CDC37L1: variants seen among roughly 807,000 people sequenced by gnomAD.
CDC37L1 encodes the protein cell division cycle 37 like 1, HSP90 cochaperone, also known as hsp90 co-chaperone Cdc37-like 1.
A neutral mutation model predicts 45.9 loss-of-function variants in CDC37L1; 32 were observed. The ratio of observed to expected loss-of-function variants is 0.70; its 90% CI spans 0.53 to 0.94. CDC37L1 has a LOEUF of 0.94. CDC37L1 is among the 40% of genes least tolerant of loss of function. The pLI is 0.00. For missense variants in CDC37L1, 434 were observed against 405.7 expected (o/e 1.07, Z -0.60); for synonymous variants, 150 against 133.0 (o/e 1.13, Z -0.88).
intron 3 of CDC37L1, among the ~76,000 whole-genome samples, chr9:4,693,968 C>T (rs1329032058): frequency 6.6e-6 from 1 of 152,326 alleles, no homozygotes; most frequent in Admixed American, 6.5e-5. Context: ...AGTCTGTCTT[C>T]TCAGCCGCTG....
rs552594935 is a variant in CDC37L1, at chr9:4,707,743, C to A, written c.*1631C>A. 7.1e-6 allele frequency: 1 copy of A among 140,862 alleles called. No individual in the cohort carries two copies. Among genetic ancestry groups the A allele is most frequent in the African/African-American group, 2.6e-5 (1 of 37,824 alleles). The allele number at this position is 140,862 out of a possible 1,614,324, so 8.7% of individuals were successfully genotyped here. A position where few individuals can be genotyped will look rare whatever the true frequency, so the allele number is the denominator to read the frequency against. ...TCGTAGACATTTTTTTCTTTTTGTT[C>A]TGTTCTGAAGCAAGCTCTTATTTTT... On this transcript the variant is annotated 3_prime_UTR_variant, in exon 7 of 7. Transcript: ENST00000381854.
chr9:4,696,520 T>C (rs1841349722), intron 3 of CDC37L1, among the ~76,000 whole-genome samples: 1 of 151,826 alleles, frequency 6.6e-6, no homozygotes, highest in East Asian at 1.9e-4. Context: ...AAGAAAAAAA[T>C]CTATTCAGTT....
Position 4,679,583 on chromosome 9 carries a change from C to T in CDC37L1, c.-185C>T, listed in dbSNP as rs536905577. The T allele has an allele frequency of 5.7e-6, 3 of 524,442 alleles. No individual in the cohort carries two copies. Among genetic ancestry groups the T allele is most frequent in the South Asian group, 3.0e-5 (1 of 33,012 alleles). The allele number at this position is 524,442 out of a possible 1,614,324, so 32.5% of individuals were successfully genotyped here. On this transcript the variant is annotated 5_prime_UTR_variant, in exon 1 of 7. Transcript: ENST00000381854. ...GCCGACTATTTCTTCCGCCGTCCGC[C>T]GGTGGCGAGGCCCAGGCTGTCGCCG...
At chr9:4,686,064 C>T (rs56235123) in intron 2 of CDC37L1, among the ~76,000 whole-genome samples, 3,068 of 152,200 alleles carry the variant, frequency 0.02, 108 homozygotes, top group African/African-American at 0.071. Flanking sequence ...CCAGCTACTT[C>T]GGAGGCTGAG....
In CDC37L1 at chr9:4,688,629, C is replaced by T. The variant is rs763722910; in HGVS notation, c.508+23C>T. On this transcript the variant is annotated intron_variant, in intron 3 of 6. Transcript: ENST00000381854. ...TTGGTAAGTCTACTACTTGGATTTC[C>T]TTCTTTGTAATGTTTGGTATCATAT... The T allele has an allele frequency of 1.1e-5, 15 of 1,391,998 alleles. No homozygotes were observed. In the Admixed American group the frequency reaches 2.4e-4, roughly 22 times the overall value. The allele number at this position is 1,391,998 out of a possible 1,614,324, so 86.2% of individuals were successfully genotyped here. A position where few individuals can be genotyped will look rare whatever the true frequency, so the allele number is the denominator to read the frequency against.
rs536905577 is a variant in CDC37L1 at position 4,679,583 on chromosome 9, C to A, written c.-185C>A. ...GCCGACTATTTCTTCCGCCGTCCGC[C>A]GGTGGCGAGGCCCAGGCTGTCGCCG... On this transcript the variant is annotated 5_prime_UTR_variant, in exon 1 of 7. Transcript: ENST00000381854. The A allele has an allele frequency of 3.1e-5, 16 of 524,442 alleles. No individual in the cohort carries two copies. The highest frequency in any genetic ancestry group is 2.4e-4 in the South Asian group (8 of 33,012). The allele number at this position is 524,442 out of a possible 1,614,324, so 32.5% of individuals were successfully genotyped here.
At chr9:4,692,442 G>T (rs754257111) in intron 3 of CDC37L1, among the ~76,000 whole-genome samples, 1 of 151,820 alleles carries the variant, frequency 6.6e-6, no homozygotes, top group Non-Finnish European at 1.5e-5. Flanking sequence ...GCTAATTTTT[G>T]TATTTTTAGT....
At position 4,708,313 on chromosome 9, in the gene CDC37L1, A is replaced by C. The variant is rs751563885; in HGVS notation, c.*2201A>C. 2.0e-5 allele frequency: 3 copies of C among 152,236 alleles called. No individual in the cohort carries two copies. The highest frequency in any genetic ancestry group is 4.4e-5 in the Non-Finnish European group (3 of 68,036). 9.4% of individuals were successfully genotyped at this position (152,236 alleles called of 1,614,324 possible). On this transcript the variant is annotated 3_prime_UTR_variant, in exon 7 of 7. Coordinates refer to ENST00000381854, the MANE Select transcript of CDC37L1 (RefSeq NM_017913.4). ...CATGGAAAGTGCAAACACATGAATG[A>C]AACATTTTTTTACATCAAAGTATCA...
intron 1 of CDC37L1, among the ~76,000 whole-genome samples, chr9:4,680,108 T>C (rs544270517): frequency 6.6e-6 from 1 of 152,230 alleles, no homozygotes; most frequent in African/African-American, 2.4e-5. Flanking sequence ...ATTACCAACC[T>C]CCACCTCCAC....
chr9:4,682,082 C>CCCAAATAA (rs1433391297), intron 1 of CDC37L1, among the ~76,000 whole-genome samples: 1 of 151,950 alleles, frequency 6.6e-6, no homozygotes, highest in East Asian at 1.9e-4. Flanking sequence ...AATATTTGCT[C>CCCAAATAA]CCAAATAATT....
chr9:4,693,284 A>C (rs986222953), intron 3 of CDC37L1, among the ~76,000 whole-genome samples: 7 of 151,772 alleles, frequency 4.6e-5, no homozygotes, highest in Admixed American at 3.3e-4. Context: ...TCTACAAAAA[A>C]AAAAAAAAAT....
chr9:4,689,106 G>A (rs916135044), intron 3 of CDC37L1, among the ~76,000 whole-genome samples: 4 of 152,102 alleles, frequency 2.6e-5, no homozygotes, highest in Non-Finnish European at 5.9e-5. Context: ...GGGTAAGAGG[G>A]GGGTTGATAC....
Position 4,702,023 on chromosome 9 carries a change from C to A in CDC37L1, c.907C>A (p.Pro303Thr). 1 of 1,387,370 alleles carries A rather than the reference C, an allele frequency of 7.2e-7. No homozygotes were observed. The highest frequency in any genetic ancestry group is 9.5e-7 in the Non-Finnish European group (1 of 1,055,486). 85.9% of individuals were successfully genotyped at this position (1,387,370 alleles called of 1,614,324 possible). Residue 303 changes from proline to threonine, a missense_variant, in exon 6 of 7, where the codon CCA (proline) becomes ACA (threonine). Physicochemically the swap from Pro to Thr is conservative, Grantham distance 38. Coordinates refer to ENST00000381854, the MANE Select transcript of CDC37L1 (RefSeq NM_017913.4). ...VGSIGLLESL[P>T]QNPDYLQYSI... The stretch of plus-strand genomic sequence containing the variant: ...ATCTATAGGTTTATTAGAATCCTTA[C>A]CACAGGTAAGTTGGAAAAGTAAATA...
At chr9:4,690,479 T>A (rs963455306) in intron 3 of CDC37L1, among the ~76,000 whole-genome samples, 6 of 151,986 alleles carry the variant, frequency 3.9e-5, no homozygotes, top group African/African-American at 1.5e-4. Context: ...ATTAGGATAC[T>A]AGAACATCCT....
chr9:4,690,773 T>C lies in CDC37L1; in HGVS notation c.508+2167T>C, dbSNP rs1003968658. On this transcript the variant is annotated intron_variant, in intron 3 of 6. Transcript: ENST00000381854. ...CCTGTTTCTTACTGAAAATGCATGTTGTCTTTAACTTCAAAGGAGATATAT... is the reference window on the plus strand; with the variant it reads ...CCTGTTTCTTACTGAAAATGCATGTCGTCTTTAACTTCAAAGGAGATATAT... Among the ~76,000 whole-genome samples the C allele has an allele frequency of 4.6e-5, 7 of 152,216 alleles. No homozygotes were observed. In the South Asian group the frequency reaches 1.4e-3, roughly 31 times the overall value.
chr9:4,684,755 A>G, intron 1 of CDC37L1, 122 bp from the exon 2 acceptor site: 2 of 648,726 alleles, frequency 3.1e-6, no homozygotes, highest in South Asian at 4.2e-5. Flanking sequence ...GCAGACCTAG[A>G]ACACAGGATA....
At chr9:4,702,974 G>A in intron 6 of CDC37L1, 1 of 1,007,822 alleles carries the variant, frequency 9.9e-7, no homozygotes, top group Non-Finnish European at 1.4e-6. Context: ...TCAGACCACT[G>A]GTCTGCCTGA....
intron 1 of CDC37L1, among the ~76,000 whole-genome samples, chr9:4,681,230 T>G (rs1841190439): frequency 6.6e-6 from 1 of 152,244 alleles, no homozygotes; most frequent in Non-Finnish European, 1.5e-5. Flanking sequence ...ACAGAAGTAA[T>G]CTAGAGAAAT....
At chr9:4,682,177 T>TTTTTC (rs1841200894) in intron 1 of CDC37L1, among the ~76,000 whole-genome samples, 1 of 150,172 alleles carries the variant, frequency 6.7e-6, no homozygotes, top group Non-Finnish European at 1.5e-5. Flanking sequence ...TTTTTTTTTT[T>TTTTTC]TTTGAGGCAG....
Sources: allele counts gnomAD v4.1 joint callset (sites outside exome capture counted in the v4.1 genomes callset), GRCh38; gene constraint gnomAD v4.1.1; transcripts MANE v1.5; gene names NCBI Gene and HGNC (gene_info 2026-07-23, HGNC 2026-07-21).